The following ARHGEF28 variants were observed in gnomAD, a reference collection of about 807,000 sequenced individuals.
ARHGEF28 encodes Rho guanine nucleotide exchange factor 28.
ARHGEF28 carries 152 observed loss-of-function variants against 206.6 expected under a neutral mutation model. The observed-to-expected ratio is 0.74, with a 90% confidence interval of 0.64 to 0.84. ARHGEF28 has a LOEUF of 0.84. ARHGEF28 is among the 40% of genes least tolerant of loss of function. ARHGEF28 has a pLI of 0.00. For missense variants in ARHGEF28, 2,028 were observed against 2,073.2 expected (o/e 0.98, Z 0.42); for synonymous variants, 763 against 776.4 (o/e 0.98, Z 0.29).
At chr5:73,858,573 T>C (rs1481720602) in intron 16 of ARHGEF28, among the ~76,000 whole-genome samples, 1 of 152,216 alleles carries the variant, frequency 6.6e-6, no homozygotes, top group African/African-American at 2.4e-5. Flanking sequence ...TACATCTTTA[T>C]ACCTCCCATT....
chr5:73,934,874 G>C (rs940412718), intron 35 of ARHGEF28, among the ~76,000 whole-genome samples: 1 of 152,162 alleles, frequency 6.6e-6, no homozygotes, highest in Non-Finnish European at 1.5e-5. Flanking sequence ...CCTGTTTAGA[G>C]AAACATACTT....
At chr5:73,795,942 T>C (rs901692592) in intron 9 of ARHGEF28, among the ~76,000 whole-genome samples, 1 of 152,178 alleles carries the variant, frequency 6.6e-6, no homozygotes, top group Admixed American at 6.5e-5. Flanking sequence ...AACCAGGTGT[T>C]CCTCCACCCT....
intron 29 of ARHGEF28, among the ~76,000 whole-genome samples, chr5:73,897,129 C>T (rs951583476): frequency 6.6e-6 from 1 of 152,194 alleles, no homozygotes; most frequent in African/African-American, 2.4e-5. Flanking sequence ...TCTTGAAACC[C>T]ATCCATCCTT....
chr5:73,688,070 G>A (rs1747581975), intron 2 of ARHGEF28, among the ~76,000 whole-genome samples: 1 of 151,986 alleles, frequency 6.6e-6, no homozygotes, highest in Non-Finnish European at 1.5e-5. Flanking sequence ...CTCTCCATTG[G>A]AATTTGTGAA....
intron 4 of ARHGEF28, among the ~76,000 whole-genome samples, chr5:73,759,600 C>G (rs531428700): frequency 6.6e-6 from 1 of 152,028 alleles, no homozygotes; most frequent in Non-Finnish European, 1.5e-5. Flanking sequence ...TTCTTTTTTT[C>G]CCCTAAATTT....
chr5:73,831,754 C>A (rs552507843), intron 9 of ARHGEF28, among the ~76,000 whole-genome samples: 2 of 152,240 alleles, frequency 1.3e-5, no homozygotes, highest in Admixed American at 6.5e-5. Flanking sequence ...TGCAATGGCA[C>A]GGTCTCGGCT....
chr5:73,675,643 G>T (rs1439470648), intron 1 of ARHGEF28, among the ~76,000 whole-genome samples: 3 of 142,882 alleles, frequency 2.1e-5, no homozygotes, highest in Non-Finnish European at 3.0e-5. Flanking sequence ...TGAGGCAGGA[G>T]AATGGCATGA....
chr5:73,849,828 T>A (rs945539335), intron 13 of ARHGEF28, among the ~76,000 whole-genome samples: 1 of 151,984 alleles, frequency 6.6e-6, no homozygotes, highest in Non-Finnish European at 1.5e-5. Context: ...CTGTAATTAA[T>A]ATGTAATAAT....
chr5:73,709,905 A>C (rs1221269406), intron 2 of ARHGEF28, among the ~76,000 whole-genome samples: 1 of 152,162 alleles, frequency 6.6e-6, no homozygotes, highest in Admixed American at 6.5e-5. Flanking sequence ...GTGAAACAAT[A>C]GTTTGTTCCT....
At chr5:73,678,603 T>A (rs1746850144) in intron 1 of ARHGEF28, among the ~76,000 whole-genome samples, 1 of 152,180 alleles carries the variant, frequency 6.6e-6, no homozygotes, top group African/African-American at 2.4e-5. Flanking sequence ...TGGACTGTAG[T>A]CCACTGTAGC....
intron 12 of ARHGEF28, 123 bp downstream of exon 12, chr5:73,846,598 C>T: frequency 4.8e-6 from 4 of 827,372 alleles, no homozygotes; most frequent in Non-Finnish European, 5.5e-6. Flanking sequence ...TTTTTTGAGA[C>T]CCATGTGATA....
chr5:73,819,930 G>A (rs1338919406), intron 9 of ARHGEF28, among the ~76,000 whole-genome samples: 1 of 152,178 alleles, frequency 6.6e-6, no homozygotes, highest in East Asian at 1.9e-4. Context: ...TGTATCTCCT[G>A]TGTCACTCTG....
chr5:73,710,304 A>T (rs1238603810), intron 2 of ARHGEF28, among the ~76,000 whole-genome samples: 1 of 152,202 alleles, frequency 6.6e-6, no homozygotes, highest in Non-Finnish European at 1.5e-5. Flanking sequence ...CCTAGTGAAC[A>T]GTAATGCTGA....
intron 6 of ARHGEF28, chr5:73,778,263 C>T (rs1753648484): frequency 6.6e-6 from 1 of 152,148 alleles, no homozygotes; most frequent in Non-Finnish European, 1.5e-5. Context: ...CACTTGGTGA[C>T]TATCCTGAAA....
chr5:73,792,641 TC>T (rs1449450616), intron 7 of ARHGEF28, among the ~76,000 whole-genome samples: 3 of 130,394 alleles, frequency 2.3e-5, no homozygotes, highest in East Asian at 2.2e-4. Flanking sequence ...ATCCTTCCCT[TC>T]TTTTTTTTTT....
chr5:73,924,765 T>C (rs541459296), intron 35 of ARHGEF28, among the ~76,000 whole-genome samples: 40 of 152,302 alleles, frequency 2.6e-4, no homozygotes, highest in African/African-American at 9.1e-4. Flanking sequence ...GCACAACTTT[T>C]CCCAAACTTC....
rs1460167299 is a variant in ARHGEF28, at chr5:73,909,476, G to A, written c.4226G>A (p.Gly1409Asp). 1.4e-5 allele frequency: 23 copies of A among 1,612,758 alleles called. No homozygotes were observed. Among genetic ancestry groups the A allele is most frequent in the Non-Finnish European group, 1.9e-5 (22 of 1,179,666 alleles). Residue 1409 changes from glycine (G) to aspartate (D), a missense_variant, in exon 34 of 36, where the codon GGC (glycine) becomes GAC (aspartate). Coordinates refer to ENST00000513042, the MANE Select transcript of ARHGEF28 (RefSeq NM_001177693.2). ...AGGCTGGTTCTCCAGCAGCAGGAGG[G>A]CCTGTCTCTCGGCCACTCTATCCTC... Reference protein sequence around the residue: ...IHRLVLQQQEGLSLGHSILRG... With the variant: ...IHRLVLQQQEDLSLGHSILRG...
intron 2 of ARHGEF28, 97 bp from the exon 3 acceptor site, chr5:73,749,740 A>C (rs1016312072): frequency 2.9e-6 from 4 of 1,371,522 alleles, no homozygotes; most frequent in African/African-American, 1.4e-5. Context: ...AGTGAACATA[A>C]CAAATGACAC....
rs930452459 is a variant in ARHGEF28 at position 73,874,820 on chromosome 5, G to A, written c.2814+1574G>A. ...CATTTTCTTAATCCAGTCTATCATC[G>A]TTGGACATTTGGGTTGGTTCCAAGT... On this transcript the variant is annotated intron_variant, in intron 22 of 35. Transcript: ENST00000513042. 7.5e-5 allele frequency among the ~76,000 whole-genome samples: 11 copies of A among 147,358 alleles called. No homozygotes were observed. The South Asian group carries it at 1.3e-3, about 17-fold the overall frequency.
Sources: gnomAD v4.1 joint callset for allele counts (sites outside exome capture counted in the v4.1 genomes callset) on GRCh38, gnomAD v4.1.1 for gene constraint, MANE v1.5 for transcripts, NCBI Gene and HGNC (gene_info 2026-07-23, HGNC 2026-07-21) for gene names.